The following PDE4D variants were observed in gnomAD, a reference collection of about 807,000 sequenced individuals.
PDE4D encodes 3',5'-cyclic-AMP phosphodiesterase 4D.
Under a neutral mutation model 87.4 loss-of-function variants are expected in PDE4D, and 24 were observed. The ratio of observed to expected loss-of-function variants is 0.27; its 90% CI spans 0.20 to 0.39. PDE4D has a LOEUF of 0.39. PDE4D is among the 10% of genes least tolerant of loss of function. The pLI is 1.00. For synonymous variants in PDE4D, 384 were observed against 383.2 expected (o/e 1.00, Z -0.02); for missense variants, 714 against 1,041.0 (o/e 0.69, Z 4.32).
At chr5:60,401,404 G>A (rs1314553293) in intron 1 of PDE4D, among the ~76,000 whole-genome samples, 4 of 152,204 alleles carry the variant, frequency 2.6e-5, no homozygotes, top group Admixed American at 6.5e-5. Context: ...CACCTTTCAC[G>A]AACATCTTTC....
intron 1 of PDE4D, among the ~76,000 whole-genome samples, chr5:59,681,547 A>G (rs1342406890): frequency 6.6e-6 from 1 of 152,134 alleles, no homozygotes; most frequent in Non-Finnish European, 1.5e-5. Flanking sequence ...AGATCATGAG[A>G]GCATTCCCTT....
intron 2 of PDE4D, among the ~76,000 whole-genome samples, chr5:60,091,852 A>C (rs1775150308): frequency 6.6e-6 from 1 of 151,964 alleles, no homozygotes; most frequent in Non-Finnish European, 1.5e-5. Flanking sequence ...GGAGATCGAG[A>C]CCATCCTGGC....
chr5:59,251,084 G>T (rs146481515), intron 1 of PDE4D, among the ~76,000 whole-genome samples: 9 of 152,178 alleles, frequency 5.9e-5, no homozygotes, highest in Non-Finnish European at 1.3e-4. Context: ...CCTGGAAGAT[G>T]ACCTAGGCAA....
intron 1 of PDE4D, among the ~76,000 whole-genome samples, chr5:59,879,966 C>T (rs1051897443): frequency 1.3e-5 from 2 of 152,148 alleles, no homozygotes; most frequent in Non-Finnish European, 2.9e-5. Context: ...GTCTCAAACT[C>T]CTAACCTTGT....
chr5:59,481,142 C>T (rs1049777427), intron 1 of PDE4D, among the ~76,000 whole-genome samples: 3 of 152,000 alleles, frequency 2.0e-5, no homozygotes, highest in South Asian at 2.1e-4. Context: ...CTATTCTGAC[C>T]GTTAGCTTAT....
chr5:60,290,221 A>G (rs1752771518), intron 1 of PDE4D, among the ~76,000 whole-genome samples: 1 of 152,306 alleles, frequency 6.6e-6, no homozygotes, highest in South Asian at 2.1e-4. Context: ...ACAATAAAAG[A>G]TCAAAAGTAA....
At chr5:59,245,059 T>C (rs1013463120) in intron 1 of PDE4D, among the ~76,000 whole-genome samples, 1 of 152,090 alleles carries the variant, frequency 6.6e-6, no homozygotes. Flanking sequence ...AAACTACTTT[T>C]AGAAATGCAT....
chr5:59,537,999 G>T (rs1044568621), intron 1 of PDE4D, among the ~76,000 whole-genome samples: 1 of 151,988 alleles, frequency 6.6e-6, no homozygotes, highest in Non-Finnish European at 1.5e-5. Flanking sequence ...TGCTCAAATT[G>T]GGGTTAGACC....
At chr5:59,823,217 C>G (rs1769910581) in intron 1 of PDE4D, among the ~76,000 whole-genome samples, 1 of 152,184 alleles carries the variant, frequency 6.6e-6, no homozygotes, top group South Asian at 2.1e-4. Context: ...CTAATAAAAT[C>G]AAACTCATGT....
At chr5:59,904,192 C>T (rs1752578297) in intron 3 of PDE4D, among the ~76,000 whole-genome samples, 1 of 152,084 alleles carries the variant, frequency 6.6e-6, no homozygotes, top group Admixed American at 6.6e-5. Flanking sequence ...TTACCATGTG[C>T]ATTTTACATA....
intron 1 of PDE4D, among the ~76,000 whole-genome samples, chr5:59,285,937 G>A (rs992972693): frequency 6.6e-6 from 1 of 152,158 alleles, no homozygotes; most frequent in South Asian, 2.1e-4. Context: ...ACTAAGTGTT[G>A]TCCAATCTGC....
At chr5:59,055,948 C>A (rs148281040) in intron 5 of PDE4D, among the ~76,000 whole-genome samples, 32 of 152,280 alleles carry the variant, frequency 2.1e-4, no homozygotes, top group African/African-American at 7.5e-4. Flanking sequence ...GGCCTCAAGG[C>A]GTCTACCATC....
At chr5:60,360,283 A>G (rs1304496382) in intron 1 of PDE4D, among the ~76,000 whole-genome samples, 1 of 152,210 alleles carries the variant, frequency 6.6e-6, no homozygotes, top group African/African-American at 2.4e-5. Flanking sequence ...CACTGACCAG[A>G]AGCCCTAAAT....
chr5:59,469,018 A>G (rs1802009716), intron 1 of PDE4D, among the ~76,000 whole-genome samples: 2 of 152,140 alleles, frequency 1.3e-5, no homozygotes, highest in African/African-American at 4.8e-5. Flanking sequence ...TTTTTGCGGT[A>G]CTAACATAGA....
chr5:59,082,638 T>C (rs1766971423), intron 5 of PDE4D, among the ~76,000 whole-genome samples: 1 of 152,136 alleles, frequency 6.6e-6, no homozygotes. Flanking sequence ...AAAACTCTTG[T>C]ATAAATATTA....
intron 5 of PDE4D, among the ~76,000 whole-genome samples, chr5:59,092,863 C>T (rs1442472111): frequency 6.6e-6 from 1 of 152,164 alleles, no homozygotes; most frequent in Non-Finnish European, 1.5e-5. Context: ...CTCACCTTCT[C>T]CCGTCTTTTT....
chr5:59,185,152 T>C (rs1330813232), intron 4 of PDE4D, 37 bp downstream of exon 4: 43 of 1,532,904 alleles, frequency 2.8e-5, no homozygotes, highest in Non-Finnish European at 3.7e-5. Context: ...TATTTAAAAG[T>C]TCAGCAAAAA....
chr5:59,506,905 TAATC>T (rs1441009730), intron 1 of PDE4D, among the ~76,000 whole-genome samples: 1 of 152,196 alleles, frequency 6.6e-6, no homozygotes, highest in Non-Finnish European at 1.5e-5. Flanking sequence ...GCATGCCTCA[TAATC>T]AAGCAATTCC....
At chr5:59,816,829 C>A (rs1030396259) in intron 1 of PDE4D, among the ~76,000 whole-genome samples, 1 of 152,146 alleles carries the variant, frequency 6.6e-6, no homozygotes, top group Non-Finnish European at 1.5e-5. Flanking sequence ...CAAGAGATAT[C>A]GTGGGTGGGA....
Sources: gnomAD v4.1 joint callset for allele counts (sites outside exome capture counted in the v4.1 genomes callset) on GRCh38, gnomAD v4.1.1 for gene constraint, MANE v1.5 for transcripts, NCBI Gene and HGNC (gene_info 2026-07-23, HGNC 2026-07-21) for gene names.